Variants in MCTP2 observed in about 807,000 individuals in gnomAD.
MCTP2 encodes multiple C2 and transmembrane domain containing 2.
In MCTP2, 132 loss-of-function variants were observed where a neutral mutation model predicts 111.6. The observed-to-expected ratio is 1.18, with a 90% CI of 1.03 to 1.37. MCTP2 has a LOEUF of 1.37. Among genes scored for constraint, MCTP2 ranks in the 40% most tolerant of loss-of-function variants. The pLI is 0.00. For synonymous variants in MCTP2, 395 were observed against 387.7 expected (o/e 1.02, Z -0.22); for missense variants, 1,183 against 1,067.9 (o/e 1.11, Z -1.50).
intron 17 of MCTP2, among the ~76,000 whole-genome samples, chr15:94,407,582 A>G (rs1184696739): frequency 2.0e-5 from 3 of 152,210 alleles, no homozygotes; most frequent in Non-Finnish European, 4.4e-5. Flanking sequence ...TAAAGCATCA[A>G]TCAACCTCTC....
At chr15:94,364,004 A>G (rs1175057940) in intron 10 of MCTP2, among the ~76,000 whole-genome samples, 1 of 152,028 alleles carries the variant, frequency 6.6e-6, no homozygotes, top group Non-Finnish European at 1.5e-5. Context: ...TTTATTAACT[A>G]ACAGATCATT....
chr15:94,251,593 G>A (rs911036581), intron 1 of MCTP2, among the ~76,000 whole-genome samples: 7 of 151,900 alleles, frequency 4.6e-5, no homozygotes, highest in Non-Finnish European at 8.8e-5. Context: ...TCCCGACGTC[G>A]GGTGATCCAC....
chr15:94,470,476 A>G, intron 21 of MCTP2, 34 bp downstream of exon 21: 1 of 1,358,478 alleles, frequency 7.4e-7, no homozygotes. Context: ...CTAGCAATCA[A>G]TTCCAGGTAA....
chr15:94,299,986 T>C (rs2075523096), intron 2 of MCTP2, among the ~76,000 whole-genome samples: 1 of 152,240 alleles, frequency 6.6e-6, no homozygotes, highest in African/African-American at 2.4e-5. Flanking sequence ...TTTTTAGTTA[T>C]TTATGAATTT....
intron 2 of MCTP2, among the ~76,000 whole-genome samples, chr15:94,311,760 C>T (rs1596327586): frequency 6.6e-6 from 1 of 152,144 alleles, no homozygotes; most frequent in Admixed American, 6.5e-5. Flanking sequence ...AAGTGGAAGA[C>T]TTATCACATA....
chr15:94,412,306 G>A (rs62016158), intron 17 of MCTP2, among the ~76,000 whole-genome samples: 3 of 149,764 alleles, frequency 2.0e-5, no homozygotes, highest in African/African-American at 7.4e-5. Flanking sequence ...TTTTTTTTAG[G>A]TACATTTTCC....
chr15:94,342,738 TTATATATACACACACATATATATCTCCA>T (rs973332395), intron 7 of MCTP2: 4 of 150,958 alleles, frequency 2.6e-5, no homozygotes, highest in Non-Finnish European at 5.9e-5. Flanking sequence ...ACATATATAT[TTATATATACACACACATATATATCTCCA>T]TATATATACA....
intron 10 of MCTP2, among the ~76,000 whole-genome samples, chr15:94,358,846 C>G (rs1047898021): frequency 4.6e-5 from 7 of 152,124 alleles, no homozygotes; most frequent in Admixed American, 3.3e-4. Context: ...AAGGAATTAT[C>G]TAAATAAAGT....
intron 4 of MCTP2, among the ~76,000 whole-genome samples, chr15:94,331,241 C>T (rs1398821267): frequency 6.6e-6 from 1 of 152,138 alleles, no homozygotes; most frequent in Non-Finnish European, 1.5e-5. Flanking sequence ...AGGTCTCTGG[C>T]TCATCTTAGT....
intron 14 of MCTP2, among the ~76,000 whole-genome samples, chr15:94,394,961 C>T (rs116474539): frequency 2.4e-3 from 369 of 152,174 alleles, no homozygotes; most frequent in African/African-American, 7.9e-3. Context: ...GAAATGGAGG[C>T]GGTCTAGGGT....
chr15:94,401,179 C>G (rs1423024740), intron 16 of MCTP2, among the ~76,000 whole-genome samples: 1 of 152,028 alleles, frequency 6.6e-6, no homozygotes, highest in African/African-American at 2.4e-5. Flanking sequence ...CTAGGGTATG[C>G]TAGGACCCTC....
chr15:94,462,914 T>C (rs1250791666), intron 20 of MCTP2, among the ~76,000 whole-genome samples: 1 of 152,234 alleles, frequency 6.6e-6, no homozygotes, highest in Non-Finnish European at 1.5e-5. Context: ...AGTATTATTT[T>C]ATGGCCACTG....
intron 17 of MCTP2, among the ~76,000 whole-genome samples, chr15:94,411,688 T>C (rs184918596): frequency 2.6e-4 from 39 of 152,276 alleles, no homozygotes; most frequent in African/African-American, 9.1e-4. Context: ...GCTTTTTAAA[T>C]AACAGATGTG....
intron 17 of MCTP2, among the ~76,000 whole-genome samples, chr15:94,413,085 A>G (rs1235215308): frequency 6.6e-6 from 1 of 152,206 alleles, no homozygotes; most frequent in Admixed American, 6.5e-5. Context: ...AAAAAAGGAA[A>G]AGGAAAGAAA....
At chr15:94,347,601 C>T (rs1264242864) in intron 8 of MCTP2, among the ~76,000 whole-genome samples, 1 of 151,964 alleles carries the variant, frequency 6.6e-6, no homozygotes, top group African/African-American at 2.4e-5. Flanking sequence ...TAAAAATGGG[C>T]CTTCAAATAA....
intron 1 of MCTP2, among the ~76,000 whole-genome samples, chr15:94,261,632 C>T (rs2073186806): frequency 6.6e-6 from 1 of 152,298 alleles, no homozygotes; most frequent in South Asian, 2.1e-4. Context: ...GATATTTGCA[C>T]TGAGGTCTGA....
intron 1 of MCTP2, among the ~76,000 whole-genome samples, chr15:94,245,259 T>C (rs996111762): frequency 3.5e-5 from 5 of 143,000 alleles, no homozygotes; most frequent in East Asian, 2.1e-4. Flanking sequence ...TATGTATATA[T>C]ACATATGTGT....
intron 1 of MCTP2, among the ~76,000 whole-genome samples, chr15:94,268,554 T>G (rs1226110556): frequency 6.6e-6 from 1 of 152,138 alleles, no homozygotes; most frequent in East Asian, 1.9e-4. Context: ...TGGGAAAGTG[T>G]CCCCTTCTTG....
At chr15:94,402,903 T>A in intron 17 of MCTP2, 1 of 1,095,996 alleles carries the variant, frequency 9.1e-7, no homozygotes, top group Non-Finnish European at 1.1e-6. Context: ...GATTTCTGAA[T>A]GTTATGTGGT....
Sources: allele counts gnomAD v4.1 joint callset (sites outside exome capture counted in the v4.1 genomes callset), GRCh38; gene constraint gnomAD v4.1.1; transcripts MANE v1.5; gene names NCBI Gene and HGNC (gene_info 2026-07-23, HGNC 2026-07-21).